The following RAB27B variants were observed in gnomAD, a reference collection of about 807,000 sequenced individuals.
The protein encoded by RAB27B is RAB27B, member RAS oncogene family.
In RAB27B, 15 loss-of-function variants were observed where a neutral mutation model predicts 24.6. The observed-to-expected ratio is 0.61, with a 90% CI of 0.41 to 0.94. The LOEUF (loss-of-function observed/expected upper bound fraction) is 0.94. Among genes scored for constraint, RAB27B ranks in the 40% least tolerant of loss-of-function variants. The pLI is 0.00. For synonymous variants in RAB27B, 105 were observed against 92.5 expected (o/e 1.14, Z -0.78); for missense variants, 261 against 266.8 (o/e 0.98, Z 0.15).
intron 2 of RAB27B, among the ~76,000 whole-genome samples, chr18:54,790,453 G>T (rs548901366): frequency 5.9e-5 from 9 of 152,086 alleles, no homozygotes; most frequent in African/African-American, 1.9e-4. Flanking sequence ...CTACATAAAA[G>T]TTATCAGTGA....
chr18:54,805,507 A>G (rs2145138385), intron 2 of RAB27B, among the ~76,000 whole-genome samples: 1 of 152,344 alleles, frequency 6.6e-6, no homozygotes, highest in South Asian at 2.1e-4. Flanking sequence ...AATGTTCACA[A>G]CAATAAATGG....
intron 2 of RAB27B, among the ~76,000 whole-genome samples, chr18:54,822,466 C>T (rs1404080543): frequency 6.6e-6 from 1 of 152,176 alleles, no homozygotes; most frequent in Non-Finnish European, 1.5e-5. Flanking sequence ...TTCATTTGTA[C>T]TTATATGGTA....
rs145779549 is a variant in RAB27B at position 54,720,862 on chromosome 18, G to A, written c.-20+2721G>A. ...AATATGAGTTTTTAAGAATCTGTTGGCCACATACACATGCCACAATAAATA... is the reference window on the plus strand; with the variant it reads ...AATATGAGTTTTTAAGAATCTGTTGACCACATACACATGCCACAATAAATA... On this transcript the variant is annotated intron_variant, in intron 2 of 4. Transcript: ENST00000586570. Among the ~76,000 whole-genome samples, 659 of 152,058 alleles carry A rather than the reference G, an allele frequency of 4.3e-3. 3 individuals carry two copies. The highest frequency in any genetic ancestry group is 0.015 in the African/African-American group (631 of 41,496).
chr18:54,793,516 G>A (rs1192844967), intron 2 of RAB27B, among the ~76,000 whole-genome samples: 1 of 152,106 alleles, frequency 6.6e-6, no homozygotes, highest in Non-Finnish European at 1.5e-5. Flanking sequence ...TTTTCACATG[G>A]TTTTCCCAAG....
At chr18:54,876,569 A>G (rs1295402667) in intron 1 of RAB27B, among the ~76,000 whole-genome samples, 1 of 152,000 alleles carries the variant, frequency 6.6e-6, no homozygotes, top group Non-Finnish European at 1.5e-5. Context: ...CGAGCAGTAA[A>G]TTATTTTGCT....
intron 2 of RAB27B, among the ~76,000 whole-genome samples, chr18:54,736,225 A>G (rs73474595): frequency 0.18 from 27,192 of 151,966 alleles, 2,665 homozygotes; most frequent in African/African-American, 0.25. Flanking sequence ...GTAGAATTTT[A>G]TTTTTCTATG....
intron 2 of RAB27B, among the ~76,000 whole-genome samples, chr18:54,734,488 T>G (rs1487121220): frequency 6.6e-6 from 1 of 152,120 alleles, no homozygotes. Flanking sequence ...TGTGGTTAAT[T>G]TATTACAATA....
intron 1 of RAB27B, among the ~76,000 whole-genome samples, chr18:54,835,754 C>T (rs1169365105): frequency 2.0e-5 from 3 of 151,994 alleles, no homozygotes; most frequent in African/African-American, 7.3e-5. Flanking sequence ...AAATGAGCAA[C>T]TTTGGGTTTG....
chr18:54,798,513 C>T (rs1177226745), intron 2 of RAB27B, among the ~76,000 whole-genome samples: 1 of 152,244 alleles, frequency 6.6e-6, no homozygotes, highest in Non-Finnish European at 1.5e-5. Context: ...ACCCCTCTCA[C>T]AGGAGAGTAT....
intron 1 of RAB27B, among the ~76,000 whole-genome samples, chr18:54,876,568 A>T (rs1383592113): frequency 6.6e-6 from 1 of 151,950 alleles, no homozygotes. Context: ...CCGAGCAGTA[A>T]ATTATTTTGC....
intron 1 of RAB27B, among the ~76,000 whole-genome samples, chr18:54,839,703 T>C (rs1445829390): frequency 1.3e-5 from 2 of 152,202 alleles, no homozygotes; most frequent in African/African-American, 4.8e-5. Context: ...CAACACTAAT[T>C]AAGAAAAGTC....
intron 2 of RAB27B, among the ~76,000 whole-genome samples, chr18:54,772,706 G>T (rs1179789975): frequency 1.3e-5 from 2 of 152,008 alleles, no homozygotes; most frequent in Non-Finnish European, 2.9e-5. Flanking sequence ...ATTTAATATT[G>T]AATCTCTTGC....
At chr18:54,813,423 G>A (rs117296743) in intron 2 of RAB27B, among the ~76,000 whole-genome samples, 2,217 of 152,318 alleles carry the variant, frequency 0.015, 13 homozygotes, top group Middle Eastern at 0.027. Flanking sequence ...AGTGGGAGGT[G>A]TTGGGTCATG....
At chr18:54,859,563 C>T (rs985326044) in intron 1 of RAB27B, among the ~76,000 whole-genome samples, 1 of 151,722 alleles carries the variant, frequency 6.6e-6, no homozygotes, top group Non-Finnish European at 1.5e-5. Flanking sequence ...GTTGTCAGAA[C>T]CTTAGCAGGC....
chr18:54,720,626 G>T (rs774345848), intron 2 of RAB27B, among the ~76,000 whole-genome samples: 1 of 151,982 alleles, frequency 6.6e-6, no homozygotes, highest in Non-Finnish European at 1.5e-5. Context: ...TTCTAGTATT[G>T]CAGTTTGCTT....
Position 54,842,603 on chromosome 18 carries a change from G to A in RAB27B, c.-20+13903G>A, listed in dbSNP as rs77257230. 9.1e-3 allele frequency among the ~76,000 whole-genome samples: 1,385 copies of A among 152,200 alleles called. 10 individuals are homozygous for A. Among genetic ancestry groups the A allele is most frequent in the Non-Finnish European group, 0.016 (1,109 of 68,008 alleles). Reference sequence around the variant, plus strand: ...ATAGGTAGAAATCTTTTTCCTATGCGTCAAAGCAAAAATCAAAACATTGAC... The same window carrying A: ...ATAGGTAGAAATCTTTTTCCTATGCATCAAAGCAAAAATCAAAACATTGAC... On this transcript the variant is annotated intron_variant, in intron 1 of 5. Coordinates refer to ENST00000262094, the MANE Select transcript of RAB27B (RefSeq NM_004163.4).
chr18:54,778,136 C>T (rs1363241889), intron 2 of RAB27B, among the ~76,000 whole-genome samples: 1 of 152,218 alleles, frequency 6.6e-6, no homozygotes, highest in Non-Finnish European at 1.5e-5. Flanking sequence ...TAAGTCATGT[C>T]TCCTTTCTCG....
chr18:54,718,505 T>C (rs1909259807), intron 2 of RAB27B, among the ~76,000 whole-genome samples: 1 of 152,230 alleles, frequency 6.6e-6, no homozygotes, highest in African/African-American at 2.4e-5. Context: ...AGTCTTTTTA[T>C]GCTTTCTTTA....
At chr18:54,829,858 C>A (rs1320402427) in intron 1 of RAB27B, among the ~76,000 whole-genome samples, 1 of 152,180 alleles carries the variant, frequency 6.6e-6, no homozygotes, top group Non-Finnish European at 1.5e-5. Context: ...CTAGCATAAT[C>A]CTCTACCCAG....
Sources: gnomAD v4.1 joint callset for allele counts (sites outside exome capture counted in the v4.1 genomes callset) on GRCh38, gnomAD v4.1.1 for gene constraint, MANE v1.5 for transcripts, NCBI Gene and HGNC (gene_info 2026-07-23, HGNC 2026-07-21) for gene names.